LRP1B: variants seen among roughly 807,000 people sequenced by gnomAD.
The protein encoded by LRP1B is low-density lipoprotein receptor-related protein 1B.
Under a neutral mutation model 556.6 loss-of-function variants are expected in LRP1B, and 217 were observed. The observed-to-expected ratio is 0.39, with a 90% CI of 0.35 to 0.44. The LOEUF is 0.44. Ranked by LOEUF, LRP1B falls within the 20% of genes least tolerant of loss-of-function variation. LRP1B has a pLI of 1.00. For synonymous variants in LRP1B, 2,047 were observed against 1,865.8 expected (o/e 1.10, Z -2.50); for missense variants, 5,053 against 5,620.8 (o/e 0.90, Z 3.23).
At chr2:140,697,225 T>C (rs1686462696) in intron 41 of LRP1B, among the ~76,000 whole-genome samples, 1 of 152,138 alleles carries the variant, frequency 6.6e-6, no homozygotes, top group African/African-American at 2.4e-5. Context: ...GTATGTATAC[T>C]TTAATTAAAA....
chr2:140,404,481 T>G (rs1684648994), intron 66 of LRP1B, among the ~76,000 whole-genome samples: 1 of 152,014 alleles, frequency 6.6e-6, no homozygotes, highest in Non-Finnish European at 1.5e-5. Flanking sequence ...CAGTAGAACT[T>G]CTTAAAAGCA....
chr2:140,788,603 A>T (rs1689995153), intron 32 of LRP1B, among the ~76,000 whole-genome samples: 1 of 152,214 alleles, frequency 6.6e-6, no homozygotes, highest in Admixed American at 6.5e-5. Context: ...CGACATTAAG[A>T]ATGTTAAAAA....
intron 18 of LRP1B, among the ~76,000 whole-genome samples, chr2:140,972,536 A>T (rs1696459205): frequency 6.6e-6 from 1 of 152,174 alleles, no homozygotes; most frequent in African/African-American, 2.4e-5. Context: ...AACATCAAGC[A>T]TCTTTGATGT....
At chr2:141,713,332 G>A (rs560813619) in intron 2 of LRP1B, among the ~76,000 whole-genome samples, 42 of 152,218 alleles carry the variant, frequency 2.8e-4, no homozygotes, top group African/African-American at 1.0e-3. Flanking sequence ...TAGCCACATC[G>A]TCCTTAAGTT....
At chr2:140,274,621 A>C in intron 84 of LRP1B, 23 bp from the exon 85 acceptor site, 1 of 1,596,124 alleles carries the variant, frequency 6.3e-7, no homozygotes, top group Non-Finnish European at 8.6e-7. Flanking sequence ...GGCACAACAG[A>C]AAAATAAAAT....
chr2:140,965,723 C>A (rs757223364), intron 18 of LRP1B, among the ~76,000 whole-genome samples: 1 of 151,916 alleles, frequency 6.6e-6, no homozygotes, highest in Non-Finnish European at 1.5e-5. Context: ...TACCCCACGA[C>A]AGGACCCAGT....
At chr2:141,732,840 C>G (rs1026183812) in intron 2 of LRP1B, among the ~76,000 whole-genome samples, 1 of 151,794 alleles carries the variant, frequency 6.6e-6, no homozygotes, top group East Asian at 1.9e-4. Context: ...TGATTGACTA[C>G]GGAAGTAACT....
chr2:141,173,384 C>T (rs1680591684), intron 7 of LRP1B, among the ~76,000 whole-genome samples: 1 of 152,054 alleles, frequency 6.6e-6, no homozygotes, highest in Non-Finnish European at 1.5e-5. Flanking sequence ...ATAAACTTGA[C>T]TATGTTCAGA....
chr2:140,778,583 GA>G (rs1354005296), intron 32 of LRP1B, among the ~76,000 whole-genome samples: 1 of 152,080 alleles, frequency 6.6e-6, no homozygotes, highest in Non-Finnish European at 1.5e-5. Flanking sequence ...AACACAAGCT[GA>G]GCCAAAATCA....
At chr2:141,415,348 C>T (rs149089923) in intron 3 of LRP1B, among the ~76,000 whole-genome samples, 10 of 152,050 alleles carry the variant, frequency 6.6e-5, no homozygotes, top group African/African-American at 1.9e-4. Flanking sequence ...ACTTTTCTCA[C>T]ATGCCCCTTA....
chr2:140,375,614 G>A (rs898373561), intron 68 of LRP1B, among the ~76,000 whole-genome samples: 1 of 151,994 alleles, frequency 6.6e-6, no homozygotes, highest in Non-Finnish European at 1.5e-5. Context: ...TCCTTTCTCT[G>A]AAATTTTGAT....
chr2:140,797,992 A>C (rs1690377143), intron 32 of LRP1B, among the ~76,000 whole-genome samples: 1 of 152,080 alleles, frequency 6.6e-6, no homozygotes, highest in African/African-American at 2.4e-5. Context: ...TCTCTACTTA[A>C]AATTCTAATT....
At chr2:141,934,145 TA>T (rs1700574480) in intron 1 of LRP1B, among the ~76,000 whole-genome samples, 1 of 152,134 alleles carries the variant, frequency 6.6e-6, no homozygotes, top group South Asian at 2.1e-4. Flanking sequence ...TATTGCTTTT[TA>T]TATGTAAAAT....
At chr2:140,233,371 C>A (rs1409837124) in intron 90 of LRP1B, 45 bp from the exon 91 acceptor site, 2 of 1,387,750 alleles carry the variant, frequency 1.4e-6, no homozygotes, top group Non-Finnish European at 1.9e-6. Flanking sequence ...CTGGTCTTGG[C>A]CACATTAATT....
chr2:141,606,132 G>A (rs996112880), intron 2 of LRP1B, among the ~76,000 whole-genome samples: 19 of 152,086 alleles, frequency 1.2e-4, no homozygotes, highest in Admixed American at 1.2e-3. Context: ...GCTCTTCCAT[G>A]GGAAATAAAA....
intron 1 of LRP1B, among the ~76,000 whole-genome samples, chr2:141,968,875 G>C (rs1015546884): frequency 6.6e-6 from 1 of 151,486 alleles, no homozygotes; most frequent in East Asian, 1.9e-4. Flanking sequence ...TTATTAATCG[G>C]CTCTCAAAAA....
intron 2 of LRP1B, among the ~76,000 whole-genome samples, chr2:141,607,311 T>C (rs1225755423): frequency 6.6e-6 from 1 of 152,202 alleles, no homozygotes; most frequent in Non-Finnish European, 1.5e-5. Flanking sequence ...TTCACTTTGG[T>C]AAAAGCTATT....
intron 3 of LRP1B, among the ~76,000 whole-genome samples, chr2:141,384,667 C>T (rs181246671): frequency 8.5e-5 from 13 of 152,112 alleles, no homozygotes; most frequent in South Asian, 2.1e-4. Context: ...ACAGGTTGCT[C>T]GGGGAAATAA....
intron 13 of LRP1B, among the ~76,000 whole-genome samples, chr2:141,015,309 A>G (rs767014940): frequency 6.6e-6 from 1 of 152,132 alleles, no homozygotes; most frequent in Non-Finnish European, 1.5e-5. Context: ...ACTCAACTAA[A>G]TACAATGTAA....
Sources: allele counts gnomAD v4.1 joint callset (sites outside exome capture counted in the v4.1 genomes callset), GRCh38; gene constraint gnomAD v4.1.1; transcripts MANE v1.5; gene names NCBI Gene and HGNC (gene_info 2026-07-23, HGNC 2026-07-21).